EGFLAM: variants seen among roughly 807,000 people sequenced by gnomAD.
EGFLAM encodes the protein pikachurin.
A neutral mutation model predicts 113.1 loss-of-function variants in EGFLAM; 79 were observed. That is an observed-to-expected ratio of 0.70 (90% CI 0.58 to 0.84). The LOEUF is 0.84. Ranked by LOEUF, EGFLAM falls within the 40% of genes least tolerant of loss-of-function variation. EGFLAM has a pLI of 0.00. For synonymous variants in EGFLAM, 504 were observed against 487.6 expected (o/e 1.03, Z -0.44); for missense variants, 1,265 against 1,291.6 (o/e 0.98, Z 0.32).
chr5:38,272,557 AC>A (rs1757789651), intron 1 of EGFLAM, among the ~76,000 whole-genome samples: 1 of 152,202 alleles, frequency 6.6e-6, no homozygotes, highest in African/African-American at 2.4e-5. Flanking sequence ...TATTGTACTG[AC>A]CCTGGCTTGC....
chr5:38,293,648 A>G (rs1009011193), intron 1 of EGFLAM, among the ~76,000 whole-genome samples: 1 of 152,212 alleles, frequency 6.6e-6, no homozygotes, highest in African/African-American at 2.4e-5. Flanking sequence ...TGCAGGTTTT[A>G]TAGGGTTATA....
intron 3 of EGFLAM, among the ~76,000 whole-genome samples, chr5:38,346,854 G>A (rs115221987): frequency 0.012 from 1,839 of 152,240 alleles, 40 homozygotes; most frequent in African/African-American, 0.043. Flanking sequence ...GAGACAGAAG[G>A]TGAAGCTCAG....
intron 1 of EGFLAM, among the ~76,000 whole-genome samples, chr5:38,326,657 G>A (rs1054002482): frequency 1.5e-4 from 22 of 148,352 alleles, no homozygotes; most frequent in Middle Eastern, 3.7e-3. Flanking sequence ...CACGCCTGGC[G>A]TTTTTTTGTA....
chr5:38,461,557 G>C (rs1288829317), intron 20 of EGFLAM, among the ~76,000 whole-genome samples: 1 of 151,984 alleles, frequency 6.6e-6, no homozygotes, highest in Non-Finnish European at 1.5e-5. Context: ...AGCTGTTGCG[G>C]GTTCTGCCTG....
intron 21 of EGFLAM, 134 bp from the exon 22 acceptor site, chr5:38,463,698 C>T (rs1743365395): frequency 9.7e-7 from 1 of 1,026,804 alleles, no homozygotes; most frequent in Non-Finnish European, 1.4e-6. Flanking sequence ...AAGGGGCCCA[C>T]AGCCCTCACA....
At chr5:38,387,016 A>G (rs987192304) in intron 6 of EGFLAM, among the ~76,000 whole-genome samples, 2 of 152,184 alleles carry the variant, frequency 1.3e-5, no homozygotes, top group African/African-American at 4.8e-5. Context: ...AAGTTTTCAC[A>G]TCACGGTGAC....
chr5:38,270,774 C>T (rs182342894), intron 1 of EGFLAM, among the ~76,000 whole-genome samples: 3 of 152,196 alleles, frequency 2.0e-5, no homozygotes, highest in Admixed American at 1.3e-4. Context: ...ACTATGATGA[C>T]GGAAGATATA....
intron 9 of EGFLAM, among the ~76,000 whole-genome samples, chr5:38,408,412 T>C (rs1376516875): frequency 6.6e-6 from 1 of 152,216 alleles, no homozygotes; most frequent in Non-Finnish European, 1.5e-5. Flanking sequence ...TGACCTCAGC[T>C]TAAACTGATT....
intron 1 of EGFLAM, among the ~76,000 whole-genome samples, chr5:38,300,568 C>A (rs923738504): frequency 2.0e-5 from 3 of 152,176 alleles, no homozygotes; most frequent in Admixed American, 6.5e-5. Flanking sequence ...TACAGACGAG[C>A]TTTCACCATG....
intron 1 of EGFLAM, among the ~76,000 whole-genome samples, chr5:38,301,279 G>A (rs1161200116): frequency 6.6e-6 from 1 of 152,146 alleles, no homozygotes; most frequent in East Asian, 1.9e-4. Flanking sequence ...AAGGAAACCT[G>A]GAACCCAAGT....
intron 11 of EGFLAM, among the ~76,000 whole-genome samples, chr5:38,416,261 T>A (rs549739524): frequency 2.0e-5 from 3 of 152,048 alleles, no homozygotes; most frequent in Admixed American, 2.0e-4. Context: ...TGGAGTCCTG[T>A]GCAAGTGATG....
intron 1 of EGFLAM, among the ~76,000 whole-genome samples, chr5:38,328,075 G>A (rs994145908): frequency 2.6e-5 from 4 of 152,142 alleles, no homozygotes; most frequent in Non-Finnish European, 4.4e-5. Flanking sequence ...CTCGAGATTG[G>A]GTAATTTAGA....
chr5:38,337,827 C>T (rs577072304), intron 2 of EGFLAM, among the ~76,000 whole-genome samples, 198 bp downstream of exon 2: 1 of 152,278 alleles, frequency 6.6e-6, no homozygotes, highest in South Asian at 2.1e-4. Context: ...GCATTACTCA[C>T]TTAGGATCTA....
intron 6 of EGFLAM, among the ~76,000 whole-genome samples, chr5:38,380,820 C>A (rs942434129): frequency 2.6e-5 from 4 of 152,118 alleles, no homozygotes; most frequent in African/African-American, 9.7e-5. Flanking sequence ...TCTTCTGAGG[C>A]CTTTGTGCAT....
intron 1 of EGFLAM, among the ~76,000 whole-genome samples, chr5:38,260,920 C>A (rs2111675635): frequency 6.6e-6 from 1 of 152,278 alleles, no homozygotes; most frequent in South Asian, 2.1e-4. Context: ...CAGACACTAG[C>A]AAATCCTGCT....
At chr5:38,403,663 C>G (rs1302081196) in intron 6 of EGFLAM, 2 of 1,089,272 alleles carry the variant, frequency 1.8e-6, no homozygotes, top group African/African-American at 1.6e-5. Context: ...CATCGTGCTA[C>G]TCAGAACTTA....
At chr5:38,279,841 A>C (rs1757971803) in intron 1 of EGFLAM, among the ~76,000 whole-genome samples, 1 of 152,202 alleles carries the variant, frequency 6.6e-6, no homozygotes, top group Admixed American at 6.5e-5. Flanking sequence ...ATATTGTATT[A>C]TTGAAAAATG....
intron 1 of EGFLAM, among the ~76,000 whole-genome samples, chr5:38,274,810 C>CT (rs1025829853): frequency 1.5e-4 from 23 of 152,292 alleles, no homozygotes; most frequent in South Asian, 6.2e-4. Context: ...TCAGAACACT[C>CT]TAATACTGTA....
chr5:38,281,680 G>A (rs2111755098), intron 1 of EGFLAM, among the ~76,000 whole-genome samples: 1 of 152,164 alleles, frequency 6.6e-6, no homozygotes, highest in South Asian at 2.1e-4. Context: ...ATTTGAATCT[G>A]GACTCTATCT....
Sources: gnomAD v4.1 joint callset for allele counts (sites outside exome capture counted in the v4.1 genomes callset) on GRCh38, gnomAD v4.1.1 for gene constraint, MANE v1.5 for transcripts, NCBI Gene and HGNC (gene_info 2026-07-23, HGNC 2026-07-21) for gene names.